Variants in CHD1L observed in about 807,000 individuals in gnomAD.
CHD1L encodes chromodomain helicase DNA binding protein 1 like.
In CHD1L, 118 loss-of-function variants were observed where a neutral mutation model predicts 115.9. The ratio of observed to expected loss-of-function variants is 1.02; its 90% CI spans 0.88 to 1.19. CHD1L has a LOEUF of 1.19. CHD1L is among the 50% of genes most tolerant of loss of function. The pLI is 0.00. For missense variants in CHD1L, 1,179 were observed against 1,065.3 expected (o/e 1.11, Z -1.49); for synonymous variants, 411 against 387.1 (o/e 1.06, Z -0.72).
At chr1:147,248,826 T>C (rs1667464402) in intron 1 of CHD1L, among the ~76,000 whole-genome samples, 1 of 152,204 alleles carries the variant, frequency 6.6e-6, no homozygotes. Flanking sequence ...AAACATTACT[T>C]CCCTTTATAT....
chr1:147,193,556 A>T, the CHD1L span, among the ~76,000 whole-genome samples: 353 of 152,098 alleles, frequency 2.3e-3, 4 homozygotes, highest in East Asian at 0.045. Flanking sequence ...TAGCTTTTGA[A>T]TGTGTTTGCT....
chr1:147,289,371 G>C (rs1304220051), intron 19 of CHD1L, among the ~76,000 whole-genome samples: 4 of 152,174 alleles, frequency 2.6e-5, no homozygotes, highest in African/African-American at 9.7e-5. Flanking sequence ...GCGGTATTTT[G>C]AGGTACAAGG....
At chr1:147,289,555 G>C (rs1389362784) in intron 19 of CHD1L, among the ~76,000 whole-genome samples, 2 of 152,142 alleles carry the variant, frequency 1.3e-5, no homozygotes, top group African/African-American at 4.8e-5. Context: ...GGAGATGAGA[G>C]TGTGCAGTTT....
At chr1:147,266,647 A>C (rs923741768) in intron 8 of CHD1L, among the ~76,000 whole-genome samples, 5 of 152,192 alleles carry the variant, frequency 3.3e-5, no homozygotes, top group Non-Finnish European at 7.3e-5. Flanking sequence ...GCTTTTGTTC[A>C]ACTGATCTTT....
At chr1:147,232,839 C>G in the CHD1L span, among the ~76,000 whole-genome samples, 1 of 152,168 alleles carries the variant, frequency 6.6e-6, no homozygotes, top group Non-Finnish European at 1.5e-5. Flanking sequence ...GGCGTGATCT[C>G]GGCTCGCTAC....
the CHD1L span, among the ~76,000 whole-genome samples, chr1:147,188,326 T>A: frequency 1.3e-5 from 2 of 151,812 alleles, no homozygotes; most frequent in Non-Finnish European, 2.9e-5. Context: ...GAGTTCGAGA[T>A]CAGCCTGGGC....
chr1:147,284,284 T>C (rs997834611), intron 15 of CHD1L, 67 bp from the exon 16 acceptor site: 1 of 1,294,496 alleles, frequency 7.7e-7, no homozygotes, highest in Middle Eastern at 2.1e-4. Context: ...TTGTTATTGA[T>C]TTGAATAGCA....
chr1:147,260,006 A>T (rs1335436675), intron 6 of CHD1L, 88 bp downstream of exon 6: 4 of 1,034,864 alleles, frequency 3.9e-6, no homozygotes, highest in Non-Finnish European at 5.7e-6. Flanking sequence ...ATTCACAACA[A>T]AATTGAACAG....
chr1:147,195,049 T>C, the CHD1L span, among the ~76,000 whole-genome samples: 2 of 151,986 alleles, frequency 1.3e-5, no homozygotes, highest in Non-Finnish European at 2.9e-5. Context: ...ATCTGAATGT[T>C]GGCCTGCCTT....
the CHD1L span, chr1:147,210,195 TCTGA>T: frequency 6.6e-6 from 1 of 152,216 alleles, no homozygotes; most frequent in African/African-American, 2.4e-5. Flanking sequence ...CCAACCCAGG[TCTGA>T]CTAACTCCAA....
chr1:147,204,474 G>GT, the CHD1L span: 5 of 1,480,542 alleles, frequency 3.4e-6, no homozygotes, highest in African/African-American at 2.8e-5. Flanking sequence ...CATCTCGAAG[G>GT]TTTTTTGCAG....
At chr1:147,191,015 T>C in the CHD1L span, among the ~76,000 whole-genome samples, 1 of 152,108 alleles carries the variant, frequency 6.6e-6, no homozygotes, top group African/African-American at 2.4e-5. Context: ...ACATGAACTC[T>C]TCATTTTTTA....
intron 5 of CHD1L, among the ~76,000 whole-genome samples, chr1:147,257,752 A>G (rs1287474712): frequency 2.0e-5 from 3 of 152,198 alleles, no homozygotes; most frequent in African/African-American, 7.2e-5. Context: ...AAAATAAGAG[A>G]TTTGGTAACC....
At chr1:147,228,938 A>C in the CHD1L span, among the ~76,000 whole-genome samples, 1 of 151,658 alleles carries the variant, frequency 6.6e-6, no homozygotes, top group African/African-American at 2.4e-5. Flanking sequence ...GATTGCAAAA[A>C]TTTTCTCCCA....
intron 1 of CHD1L, among the ~76,000 whole-genome samples, chr1:147,246,564 A>G (rs1424148201): frequency 6.6e-6 from 1 of 152,216 alleles, no homozygotes; most frequent in Non-Finnish European, 1.5e-5. Context: ...CCTTGCCAGC[A>G]TTTGATATTG....
At chr1:147,177,945 G>T in the CHD1L span, among the ~76,000 whole-genome samples, 1 of 152,150 alleles carries the variant, frequency 6.6e-6, no homozygotes, top group Non-Finnish European at 1.5e-5. Flanking sequence ...ACGATTAGAG[G>T]ACACTAAGGA....
intron 17 of CHD1L, 32 bp downstream of exon 17, chr1:147,285,519 A>T (rs782740653): frequency 1.1e-5 from 17 of 1,593,744 alleles, no homozygotes; most frequent in Non-Finnish European, 1.4e-5. Flanking sequence ...TGGCGGCCAC[A>T]GTTGAAGGAG....
chr1:147,283,270 T>G (rs1245903881), intron 15 of CHD1L, among the ~76,000 whole-genome samples: 1 of 152,150 alleles, frequency 6.6e-6, no homozygotes, highest in South Asian at 2.1e-4. Flanking sequence ...CTGGTTAGAT[T>G]TGGGTACAAG....
At chr1:147,179,029 A>G in the CHD1L span, 179 of 1,613,670 alleles carry the variant, frequency 1.1e-4, no homozygotes, top group Non-Finnish European at 1.4e-4. Flanking sequence ...TAGCCGCAAA[A>G]CCTTTAGCCA....
Sources: gnomAD v4.1 joint callset for allele counts (sites outside exome capture counted in the v4.1 genomes callset) on GRCh38, gnomAD v4.1.1 for gene constraint, MANE v1.5 for transcripts, NCBI Gene and HGNC (gene_info 2026-07-23, HGNC 2026-07-21) for gene names.